The following FIBCD1 variants were observed in gnomAD, a reference collection of about 807,000 sequenced individuals.
FIBCD1 encodes fibrinogen C domain-containing protein 1.
Under a neutral mutation model 45.1 loss-of-function variants are expected in FIBCD1, and 47 were observed. The observed-to-expected ratio is 1.04, with a 90% CI of 0.82 to 1.33. FIBCD1 has a LOEUF of 1.33. FIBCD1 is among the 40% of genes most tolerant of loss of function. The pLI, the probability that FIBCD1 is intolerant of heterozygous loss-of-function variation, is 0.00. For missense variants in FIBCD1, 653 were observed against 682.2 expected, an observed-to-expected ratio of 0.96 and a Z score of 0.48; for synonymous variants, 313 against 308.1, an observed-to-expected ratio of 1.02 and a Z score of -0.17.
chr9:130,919,732 G>T (rs543464290), intron 4 of FIBCD1, among the ~76,000 whole-genome samples: 1 of 152,244 alleles, frequency 6.6e-6, no homozygotes, highest in Non-Finnish European at 1.5e-5. Flanking sequence ...GCAAAGAACA[G>T]GGTTTGGGCC....
chr9:130,939,310 G>A (rs1832577331), upstream of FIBCD1: 1 of 152,098 alleles, frequency 6.6e-6, no homozygotes, highest in Admixed American at 6.5e-5. Flanking sequence ...GCTCCCTCCC[G>A]GCTCAGGACG....
intron 5 of FIBCD1, among the ~76,000 whole-genome samples, chr9:130,910,765 G>A (rs1331097924): frequency 2.6e-5 from 4 of 151,828 alleles, no homozygotes; most frequent in African/African-American, 7.3e-5. Context: ...TGGGGCCTTG[G>A]AGAACCTTTA....
upstream of FIBCD1, chr9:130,939,281 T>C (rs1024231345): frequency 4.6e-5 from 7 of 151,348 alleles, no homozygotes; most frequent in Non-Finnish European, 1.0e-4. Flanking sequence ...CTCCGGGGAG[T>C]GGCGCGGCGC....
rs533227757 is a variant in FIBCD1, at chr9:130,922,367, C to T, written c.849+1377G>A. Among the ~76,000 whole-genome samples the T allele has an allele frequency of 2.0e-4, 31 of 152,318 alleles. No homozygotes were observed. The highest frequency in any genetic ancestry group is 6.7e-4 in the African/African-American group (28 of 41,566). On this transcript the variant is annotated intron_variant, in intron 4 of 6. Transcript: ENST00000372338. This position sits in a 1 kb window ranked among gnomAD's most constrained non-coding sequence, Gnocchi z 4.5. ...CTCTCTCCAGCACACTTCTTCTCAG[C>T]TGAGCCCCCCACTTTCTTGTGCTTG...
At position 130,903,410 on chromosome 9, in the gene FIBCD1, G is replaced by A. The variant is rs1448880412; in HGVS notation, c.*654C>T. The A allele has an allele frequency of 6.3e-6, 1 of 157,912 alleles. No individual in the cohort carries two copies. The highest frequency in any genetic ancestry group is 1.9e-4 in the East Asian group (1 of 5,384). 9.8% of individuals were successfully genotyped at this position (157,912 alleles called of 1,614,324 possible). A position where few individuals can be genotyped will look rare whatever the true frequency, so the allele number is the denominator to read the frequency against. On this transcript the variant is annotated 3_prime_UTR_variant, in exon 7 of 7. Transcript: ENST00000372338. ...AGGCCTGCCGGGGCACAGGGTGGGT[G>A]GCCTCCAGGGAACTGGTCTCAGCCT...
At position 130,926,968 on chromosome 9, in the gene FIBCD1, C is replaced by T. The variant is rs568450659; in HGVS notation, c.553-2572G>A. On this transcript the variant is annotated intron_variant, in intron 2 of 6. Coordinates refer to ENST00000372338, the MANE Select transcript of FIBCD1 (RefSeq NM_032843.5). The surrounding 1 kb of genome is among the most constrained non-coding windows in gnomAD (Gnocchi z 4.1). ...TCACTCCTACCAGAAAAGGGATTTT[C>T]GGCCCAACACAGTAATCTTAGCACG... 5.3e-5 allele frequency among the ~76,000 whole-genome samples: 8 copies of T among 152,180 alleles called. No individual in the cohort carries two copies. The highest frequency in any genetic ancestry group is 1.9e-4 in the African/African-American group (8 of 41,524).
intron 1 of FIBCD1, chr9:130,936,490 A>G (rs1832522485): frequency 6.6e-6 from 1 of 152,264 alleles, no homozygotes; most frequent in South Asian, 2.1e-4. Context: ...ACAGCCCTCG[A>G]GCTTCCTCCA....
chr9:130,918,515 G>A (rs766718164), intron 4 of FIBCD1, among the ~76,000 whole-genome samples: 1 of 152,242 alleles, frequency 6.6e-6, no homozygotes, highest in South Asian at 2.1e-4. Flanking sequence ...GACTGTCTTG[G>A]TTGTGGAGCT....
intron 1 of FIBCD1, among the ~76,000 whole-genome samples, chr9:130,931,148 G>T (rs182594509): frequency 1.2e-3 from 177 of 152,290 alleles, no homozygotes; most frequent in Admixed American, 1.9e-3. Flanking sequence ...GAAGAGGCCT[G>T]CTGCCCTCCA....
chr9:130,940,602 C>T (rs1177163371), upstream of FIBCD1, among the ~76,000 whole-genome samples: 1 of 152,218 alleles, frequency 6.6e-6, no homozygotes, highest in Non-Finnish European at 1.5e-5. Context: ...CATACCTCTC[C>T]GAGCCTCAGT....
At chr9:130,924,427 C>A in intron 2 of FIBCD1, 31 bp from the exon 3 acceptor site, 1 of 1,577,050 alleles carries the variant, frequency 6.3e-7, no homozygotes, top group Non-Finnish European at 8.6e-7. Context: ...GCCGAGGGGG[C>A]AGGGGCTCTG....
chr9:130,904,443 G>T, intron 6 of FIBCD1, 120 bp from the exon 7 acceptor site: 1 of 1,394,362 alleles, frequency 7.2e-7, no homozygotes. Flanking sequence ...ATACACGTAC[G>T]CACGTGCTCT....
chr9:130,935,329 CT>C (rs2133127027), intron 1 of FIBCD1, among the ~76,000 whole-genome samples: 1 of 152,284 alleles, frequency 6.6e-6, no homozygotes, highest in East Asian at 1.9e-4. Context: ...CTGCCCCAAG[CT>C]CCAAGACCAG....
chr9:130,904,539 T>C (rs4740381), intron 6 of FIBCD1, among the ~76,000 whole-genome samples: 79,123 of 152,074 alleles, frequency 0.52, 21,539 homozygotes, highest in African/African-American at 0.66. Flanking sequence ...CGCAGTCCCT[T>C]CTCGGGCGTG....
upstream of FIBCD1, among the ~76,000 whole-genome samples, chr9:130,939,846 C>A (rs12346730): frequency 0.028 from 4,209 of 152,066 alleles, 188 homozygotes; most frequent in African/African-American, 0.096. Context: ...CCTTAATCTG[C>A]GCGGCGAACG....
intron 4 of FIBCD1, among the ~76,000 whole-genome samples, chr9:130,917,743 G>A (rs1015514569): frequency 6.6e-6 from 1 of 152,188 alleles, no homozygotes; most frequent in East Asian, 1.9e-4. Context: ...GGATGACCAC[G>A]GCCTTCCCCG....
chr9:130,909,410 C>T (rs1281308969), intron 5 of FIBCD1, among the ~76,000 whole-genome samples: 1 of 152,202 alleles, frequency 6.6e-6, no homozygotes, highest in Non-Finnish European at 1.5e-5. Context: ...AGCACCTGTG[C>T]GTTTCATGTA....
intron 1 of FIBCD1, among the ~76,000 whole-genome samples, chr9:130,933,047 C>G (rs937412096): frequency 3.3e-5 from 5 of 152,204 alleles, no homozygotes; most frequent in Admixed American, 2.6e-4. Flanking sequence ...CTCCTCCCAC[C>G]CAAGCCCCTC....
At position 130,938,717 on chromosome 9, in the gene FIBCD1, C is replaced by T; in HGVS notation, c.-110G>A. The T allele has an allele frequency of 1.8e-6, 1 of 560,696 alleles. No homozygotes were observed. The highest frequency in any genetic ancestry group is 2.4e-6 in the Non-Finnish European group (1 of 418,844). 34.7% of individuals were successfully genotyped at this position (560,696 alleles called of 1,614,324 possible). A position where few individuals can be genotyped will look rare whatever the true frequency, so the allele number is the denominator to read the frequency against. On this transcript the variant is annotated 5_prime_UTR_variant, in exon 1 of 7. Coordinates refer to ENST00000372338, the MANE Select transcript of FIBCD1 (RefSeq NM_032843.5). ...GGGGCGCGCTCTGTCCGCCGGGTCCCCGCCTCTGTGCCCCGCGCCGGGGCG... is the reference window on the plus strand; with the variant it reads ...GGGGCGCGCTCTGTCCGCCGGGTCCTCGCCTCTGTGCCCCGCGCCGGGGCG...
Sources: allele counts gnomAD v4.1 joint callset (sites outside exome capture counted in the v4.1 genomes callset), GRCh38; gene constraint gnomAD v4.1.1; non-coding constraint Gnocchi (gnomAD v3.1); transcripts MANE v1.5; gene names NCBI Gene and HGNC (gene_info 2026-07-23, HGNC 2026-07-21).